Variants in UHRF2 observed in about 807,000 individuals in gnomAD.
UHRF2 encodes E3 ubiquitin-protein ligase UHRF2.
Under a neutral mutation model 96.8 loss-of-function variants are expected in UHRF2, and 23 were observed. That is an observed-to-expected ratio of 0.24 (90% CI 0.17 to 0.34). The LOEUF (loss-of-function observed/expected upper bound fraction) is 0.34. Among genes scored for constraint, UHRF2 ranks in the 10% least tolerant of loss-of-function variants. The pLI, the probability that UHRF2 is intolerant of heterozygous loss-of-function variation, is 1.00. For missense variants in UHRF2, 685 were observed against 981.5 expected, an observed-to-expected ratio of 0.70 and a Z score of 4.04; for synonymous variants, 385 against 332.6, an observed-to-expected ratio of 1.16 and a Z score of -1.72.
At chr9:6,415,087 A>G (rs1819514106) in intron 1 of UHRF2, 1 of 152,260 alleles carries the variant, frequency 6.6e-6, no homozygotes, top group African/African-American at 2.4e-5. Flanking sequence ...TAGTACATGA[A>G]TTCCTAGGAC....
chr9:6,488,949 A>G (rs1824488472), intron 9 of UHRF2, among the ~76,000 whole-genome samples: 2 of 151,882 alleles, frequency 1.3e-5, no homozygotes, highest in Admixed American at 6.5e-5. Context: ...AGTAGCTGGG[A>G]CTACAGGCAT....
intron 4 of UHRF2, among the ~76,000 whole-genome samples, chr9:6,465,432 A>C (rs1728392092): frequency 6.6e-6 from 1 of 152,122 alleles, no homozygotes; most frequent in African/African-American, 2.4e-5. Context: ...TCTGGGGCTG[A>C]GTTTTCTTTG....
intron 2 of UHRF2, among the ~76,000 whole-genome samples, chr9:6,432,336 C>T (rs1338094109): frequency 1.3e-5 from 2 of 152,140 alleles, no homozygotes; most frequent in African/African-American, 4.8e-5. Flanking sequence ...AGTCTGTATT[C>T]TTTCTACCCT....
intron 5 of UHRF2, among the ~76,000 whole-genome samples, chr9:6,476,765 T>C (rs1363187829): frequency 6.6e-6 from 1 of 152,096 alleles, no homozygotes; most frequent in Non-Finnish European, 1.5e-5. Flanking sequence ...TGGCTAACTT[T>C]TGTATTTTTA....
intron 1 of UHRF2, 72 bp downstream of exon 1, chr9:6,413,715 C>G (rs1446578758): frequency 2.2e-6 from 3 of 1,374,570 alleles, no homozygotes; most frequent in African/African-American, 3.1e-5. Context: ...ACGCACCGGT[C>G]CGAGGGCTCT....
chr9:6,485,593 C>T (rs1167224210), intron 8 of UHRF2, among the ~76,000 whole-genome samples: 1 of 150,766 alleles, frequency 6.6e-6, no homozygotes. Context: ...CTAAAAGCTT[C>T]TAAAGTGCCT....
At position 6,498,204 on chromosome 9, in the gene UHRF2, A is replaced by G. The variant is rs989912208; in HGVS notation, c.1908+46A>G. 2.5e-6 allele frequency: 4 copies of G among 1,590,672 alleles called. No homozygotes were observed. The African/African-American group carries it at 5.4e-5, about 21-fold the overall frequency. On this transcript the variant is annotated intron_variant, in intron 12 of 15. Coordinates refer to ENST00000276893, the MANE Select transcript of UHRF2 (RefSeq NM_152896.3). ...GCTGCCTGTGTGTTCATAAAAATAT[A>G]CACCTCTTCTATCTACATGCCTTAA...
chr9:6,501,862 T>G (rs760579366), intron 14 of UHRF2, among the ~76,000 whole-genome samples: 1 of 152,250 alleles, frequency 6.6e-6, no homozygotes, highest in Non-Finnish European at 1.5e-5. Context: ...TTGTTAGTGA[T>G]AACTGAGGTG....
intron 2 of UHRF2, among the ~76,000 whole-genome samples, chr9:6,421,589 G>T (rs906385836): frequency 1.1e-4 from 17 of 151,982 alleles, no homozygotes; most frequent in African/African-American, 4.1e-4. Flanking sequence ...GCTAATTTTT[G>T]TATTTTTAGT....
intron 3 of UHRF2, among the ~76,000 whole-genome samples, chr9:6,434,646 C>T (rs1487674016): frequency 6.6e-6 from 1 of 152,046 alleles, no homozygotes; most frequent in Non-Finnish European, 1.5e-5. Flanking sequence ...ATCATGTTGG[C>T]CAGACTGGTC....
At chr9:6,477,926 G>C in intron 6 of UHRF2, 118 bp downstream of exon 6, 1 of 860,698 alleles carries the variant, frequency 1.2e-6, no homozygotes, top group East Asian at 2.6e-5. Flanking sequence ...AAAATGTTAT[G>C]GCCAGTGGTT....
chr9:6,455,748 G>A (rs979904053), intron 3 of UHRF2, among the ~76,000 whole-genome samples: 11 of 151,668 alleles, frequency 7.3e-5, no homozygotes, highest in African/African-American at 2.4e-4. Context: ...ACTTTGGGAG[G>A]CCAAGATGGG....
intron 4 of UHRF2, among the ~76,000 whole-genome samples, chr9:6,473,514 T>C (rs1357901004): frequency 6.6e-6 from 1 of 152,184 alleles, no homozygotes; most frequent in Non-Finnish European, 1.5e-5. Context: ...AATGTAGGCA[T>C]TGAGCATTAG....
chr9:6,414,387 C>T (rs1373011447), intron 1 of UHRF2, among the ~76,000 whole-genome samples: 2 of 152,162 alleles, frequency 1.3e-5, no homozygotes, highest in African/African-American at 2.4e-5. Flanking sequence ...GCTTTTCTTA[C>T]TTCTCGCCTT....
chr9:6,498,225 C>T, intron 12 of UHRF2, 67 bp downstream of exon 12: 1 of 1,523,824 alleles, frequency 6.6e-7, no homozygotes, highest in South Asian at 1.3e-5. Context: ...ATCTACATGC[C>T]TTAACACTGG....
rs116956638 is a variant in UHRF2, at chr9:6,494,030, T to C, written c.1604+98T>C. On this transcript the variant is annotated intron_variant, in intron 10 of 15. Transcript: ENST00000276893. ...TACGTTGCAGAGGAGAATTTCAAACTGGGAGTTAAAGATCTGAAATTAAAA... is the reference window on the plus strand; with the variant it reads ...TACGTTGCAGAGGAGAATTTCAAACCGGGAGTTAAAGATCTGAAATTAAAA... 3 of 1,041,520 alleles carry C rather than the reference T, an allele frequency of 2.9e-6. No homozygotes were observed. In the Admixed American group the frequency reaches 7.9e-5, roughly 27 times the overall value. 64.5% of individuals were successfully genotyped at this position (1,041,520 alleles called of 1,614,324 possible). A position where few individuals can be genotyped will look rare whatever the true frequency, so the allele number is the denominator to read the frequency against.
chr9:6,432,348 T>C (rs944711723), intron 2 of UHRF2, among the ~76,000 whole-genome samples: 16 of 152,228 alleles, frequency 1.1e-4, no homozygotes, highest in African/African-American at 3.9e-4. Context: ...TTCTACCCTC[T>C]GTCATTTTGT....
chr9:6,479,157 GCTT>G (rs761629472), intron 6 of UHRF2, among the ~76,000 whole-genome samples: 37 of 151,964 alleles, frequency 2.4e-4, no homozygotes, highest in Non-Finnish European at 4.4e-4. Flanking sequence ...CCCGTTCTCT[GCTT>G]CTTTCATGCA....
chr9:6,491,221 A>G (rs1824638275), intron 9 of UHRF2, among the ~76,000 whole-genome samples: 1 of 152,210 alleles, frequency 6.6e-6, no homozygotes. Flanking sequence ...CTCGGAAGCC[A>G]GAGTCTGTTT....
Sources: allele counts gnomAD v4.1 joint callset (sites outside exome capture counted in the v4.1 genomes callset), GRCh38; gene constraint gnomAD v4.1.1; transcripts MANE v1.5; gene names NCBI Gene and HGNC (gene_info 2026-07-23, HGNC 2026-07-21).